Variants in EDIL3 observed in about 807,000 individuals in gnomAD.
The protein encoded by EDIL3 is EGF-like repeat and discoidin I-like domain-containing protein 3.
In EDIL3, 37 loss-of-function variants were observed where a neutral mutation model predicts 67.4. The ratio of observed to expected loss-of-function variants is 0.55; its 90% confidence interval spans 0.42 to 0.72. The LOEUF (loss-of-function observed/expected upper bound fraction) is 0.72, where lower values mean the gene tolerates loss of function less well. EDIL3 is among the 30% of genes least tolerant of loss of function. EDIL3 has a pLI of 0.00. For synonymous variants in EDIL3, 195 were observed against 196.3 expected (o/e 0.99, Z 0.05); for missense variants, 527 against 586.3 (o/e 0.90, Z 1.04).
chr5:84,043,780 T>TA (rs1039868101), intron 9 of EDIL3, among the ~76,000 whole-genome samples: 2 of 151,856 alleles, frequency 1.3e-5, no homozygotes, highest in Admixed American at 6.6e-5. Flanking sequence ...AAAGATACAG[T>TA]AAAAAAAATA....
intron 9 of EDIL3, among the ~76,000 whole-genome samples, chr5:83,994,955 A>T (rs918416455): frequency 2.0e-5 from 3 of 152,082 alleles, no homozygotes; most frequent in Non-Finnish European, 4.4e-5. Flanking sequence ...GCTCTTTTCC[A>T]TTGTAAGAGC....
intron 9 of EDIL3, among the ~76,000 whole-genome samples, chr5:83,994,983 T>C (rs2112163225): frequency 6.6e-6 from 1 of 152,272 alleles, no homozygotes; most frequent in Admixed American, 6.5e-5. Flanking sequence ...ATTAAATACA[T>C]ATGTGTGTAG....
chr5:84,131,278 G>A (rs1170967758), intron 5 of EDIL3, among the ~76,000 whole-genome samples: 1 of 152,096 alleles, frequency 6.6e-6, no homozygotes, highest in East Asian at 1.9e-4. Context: ...TCCATCTGCA[G>A]ATAAAGAATC....
At position 84,074,656 on chromosome 5, in the gene EDIL3, C is replaced by G. The variant is rs563875667; in HGVS notation, c.652-8050G>C. On this transcript the variant is annotated intron_variant, in intron 6 of 10. Coordinates refer to ENST00000296591, the MANE Select transcript of EDIL3 (RefSeq NM_005711.5). ...AATCAAAACCACAATGAGATACCATCTCACACCAGTTAGAATGGCAATCAT... is the reference window on the plus strand; with the variant it reads ...AATCAAAACCACAATGAGATACCATGTCACACCAGTTAGAATGGCAATCAT... Among the ~76,000 whole-genome samples the G allele has an allele frequency of 3.4e-3, 510 of 151,980 alleles. 8 individuals are homozygous for G. Among genetic ancestry groups the G allele is most frequent in the African/African-American group, 0.012 (485 of 41,382 alleles).
chr5:84,252,072 AG>A (rs1384874927), intron 2 of EDIL3, among the ~76,000 whole-genome samples: 1 of 152,222 alleles, frequency 6.6e-6, no homozygotes, highest in Non-Finnish European at 1.5e-5. Flanking sequence ...ACACTGAACT[AG>A]GTGGGATATG....
chr5:84,284,199 T>C (rs1745763612), intron 1 of EDIL3, among the ~76,000 whole-genome samples: 2 of 152,310 alleles, frequency 1.3e-5, no homozygotes, highest in Admixed American at 1.3e-4. Flanking sequence ...ATTTGTCTAT[T>C]TTTAAAACAA....
intron 5 of EDIL3, among the ~76,000 whole-genome samples, chr5:84,121,574 T>TATCC (rs1367910014): frequency 6.6e-6 from 1 of 151,418 alleles, no homozygotes; most frequent in East Asian, 1.9e-4. Context: ...TCTATCTATC[T>TATCC]ATCTACATTT....
chr5:84,282,642 T>C (rs1745726986), intron 1 of EDIL3, among the ~76,000 whole-genome samples: 2 of 152,206 alleles, frequency 1.3e-5, no homozygotes, highest in African/African-American at 4.8e-5. Context: ...CTGCATGAAA[T>C]GATGTGTATT....
At chr5:84,324,428 G>T (rs1746709069) in intron 1 of EDIL3, among the ~76,000 whole-genome samples, 1 of 151,758 alleles carries the variant, frequency 6.6e-6, no homozygotes, top group Non-Finnish European at 1.5e-5. Flanking sequence ...GTGCTAAAGA[G>T]TAAATACATA....
intron 1 of EDIL3, among the ~76,000 whole-genome samples, chr5:84,304,289 G>A (rs1189065455): frequency 6.6e-6 from 1 of 152,148 alleles, no homozygotes; most frequent in East Asian, 1.9e-4. Flanking sequence ...TTTGGTATAT[G>A]TGAATAGACT....
intron 4 of EDIL3, among the ~76,000 whole-genome samples, chr5:84,176,954 T>A (rs570261131): frequency 6.0e-4 from 92 of 152,170 alleles, no homozygotes; most frequent in Non-Finnish European, 1.1e-3. Flanking sequence ...CGAGTGCTGG[T>A]AAGGATGTAG....
intron 9 of EDIL3, among the ~76,000 whole-genome samples, chr5:84,040,823 A>T (rs988664094): frequency 1.3e-5 from 2 of 152,192 alleles, no homozygotes; most frequent in African/African-American, 4.8e-5. Context: ...AGTATATCTA[A>T]GTAAGTCCCA....
intron 10 of EDIL3, among the ~76,000 whole-genome samples, chr5:83,961,561 A>G (rs1441765225): frequency 6.6e-6 from 1 of 151,238 alleles, no homozygotes; most frequent in African/African-American, 2.4e-5. Context: ...AAACTAATCT[A>G]TATAAAGATT....
chr5:84,192,349 A>T (rs13354117), intron 3 of EDIL3, among the ~76,000 whole-genome samples: 2 of 151,974 alleles, frequency 1.3e-5, no homozygotes, highest in Non-Finnish European at 2.9e-5. Context: ...TTATGTCTTC[A>T]GTGTTACCTC....
intron 6 of EDIL3, among the ~76,000 whole-genome samples, chr5:84,075,863 A>T (rs1424455045): frequency 6.7e-6 from 1 of 149,688 alleles, no homozygotes; most frequent in Non-Finnish European, 1.5e-5. Context: ...AAAGCCCCAA[A>T]GTACAAACAC....
intron 9 of EDIL3, among the ~76,000 whole-genome samples, chr5:83,992,263 A>G (rs1160429392): frequency 1.3e-5 from 2 of 152,224 alleles, no homozygotes; most frequent in African/African-American, 4.8e-5. Context: ...GAGTATAACA[A>G]TTGTGTTCAA....
At chr5:83,945,330 C>T (rs974383591) in intron 10 of EDIL3, among the ~76,000 whole-genome samples, 2 of 151,848 alleles carry the variant, frequency 1.3e-5, no homozygotes, top group Non-Finnish European at 2.9e-5. Context: ...AGAAAATAAG[C>T]CCTGGTTTAC....
Position 83,941,296 on chromosome 5 carries a change from AATGCTTTTTCTAAAAGGTAACAAAT to A in EDIL3, c.*2098_*2122del, listed in dbSNP as rs1387352915. The A allele has an allele frequency of 6.6e-6, 1 of 152,114 alleles. No individual in the cohort carries two copies. The highest frequency in any genetic ancestry group is 2.4e-5 in the African/African-American group (1 of 41,470). The allele number at this position is 152,114 out of a possible 1,614,324, so 9.4% of individuals were successfully genotyped here. A position where few individuals can be genotyped will look rare whatever the true frequency, so the allele number is the denominator to read the frequency against. ...TGAAAAAGCAAGAGAAACTCATTTC[AATGCTTTTTCTAAAAGGTAACAAAT>A]ATAATTTTAATCAACTTCCTTGGAA... On this transcript the variant is annotated 3_prime_UTR_variant, in exon 11 of 11. Coordinates refer to ENST00000296591, the MANE Select transcript of EDIL3 (RefSeq NM_005711.5).
chr5:84,343,282 A>C lies in EDIL3; in HGVS notation c.67+41026T>G, dbSNP rs556879548. ...ATTTGAAATTATTTGTTTCTCTTTT[A>C]TTTAATACTCACTGAGTTCAGTACA... On this transcript the variant is annotated intron_variant, in intron 1 of 10. Transcript: ENST00000296591. 3.3e-5 allele frequency among the ~76,000 whole-genome samples: 5 copies of C among 151,554 alleles called. No homozygotes were observed. The South Asian group carries it at 1.0e-3, about 31-fold the overall frequency.
Sources: allele counts gnomAD v4.1 joint callset (sites outside exome capture counted in the v4.1 genomes callset), GRCh38; gene constraint gnomAD v4.1.1; transcripts MANE v1.5; gene names NCBI Gene and HGNC (gene_info 2026-07-23, HGNC 2026-07-21).